The following RAB3B variants were observed in gnomAD, a reference collection of about 807,000 sequenced individuals.
RAB3B encodes the protein RAB3B, member RAS oncogene family.
A neutral mutation model predicts 20.5 loss-of-function variants in RAB3B; 11 were observed. The observed-to-expected ratio is 0.54, with a 90% CI of 0.34 to 0.89. The LOEUF is 0.89. RAB3B is among the 40% of genes least tolerant of loss of function. The pLI is 0.02. For synonymous variants in RAB3B, 99 were observed against 106.3 expected, an observed-to-expected ratio of 0.93 and a Z score of 0.42; for missense variants, 225 against 280.9, an observed-to-expected ratio of 0.80 and a Z score of 1.42.
chr1:51,974,194 C>G (rs577327770), intron 2 of RAB3B, among the ~76,000 whole-genome samples: 1 of 152,190 alleles, frequency 6.6e-6, no homozygotes, highest in Non-Finnish European at 1.5e-5. Context: ...GCTCTCACAT[C>G]CCCCTGTGCA....
At chr1:51,949,784 C>T (rs1227588423) in intron 2 of RAB3B, among the ~76,000 whole-genome samples, 1 of 152,208 alleles carries the variant, frequency 6.6e-6, no homozygotes, top group Non-Finnish European at 1.5e-5. Context: ...CCGGGACTGG[C>T]TTGGCCCCAC....
At position 51,914,955 on chromosome 1, in the gene RAB3B, G is replaced by A. The variant is rs918425132; in HGVS notation, c.*4972C>T. The A allele has an allele frequency of 6.6e-6, 1 of 152,162 alleles. No homozygotes were observed. The allele number at this position is 152,162 out of a possible 1,614,324, so 9.4% of individuals were successfully genotyped here. ...GGTCTTATTCTGTGGATGTTATAAG[G>A]CTTCGGTCACCAAGCAATTGTGGCT... is the stretch of plus-strand genomic sequence containing the variant. On this transcript the variant is annotated 3_prime_UTR_variant, in exon 5 of 5. Transcript: ENST00000371655.
chr1:51,980,020 C>T lies in RAB3B; in HGVS notation c.1-2903G>A, dbSNP rs151272754. On this transcript the variant is annotated intron_variant, in intron 1 of 4. Transcript: ENST00000371655. ...CCAGGCCACTGCACTTCAGCCTACG[C>T]GACAGAGCGAGACTCCACCCCCCCA... Among the ~76,000 whole-genome samples, 1,201 of 151,982 alleles carry T rather than the reference C, an allele frequency of 7.9e-3. 17 individuals carry two copies. Among genetic ancestry groups the T allele is most frequent in the African/African-American group, 0.027 (1,113 of 41,444 alleles).
At chr1:51,960,425 C>T (rs1383292428) in intron 2 of RAB3B, among the ~76,000 whole-genome samples, 1 of 152,166 alleles carries the variant, frequency 6.6e-6, no homozygotes, top group Admixed American at 6.5e-5. Context: ...GCGTCATTAG[C>T]ACAGAGCTGA....
chr1:51,949,134 T>C (rs1684601359), intron 2 of RAB3B, among the ~76,000 whole-genome samples: 1 of 152,222 alleles, frequency 6.6e-6, no homozygotes, highest in African/African-American at 2.4e-5. Flanking sequence ...TTTCCTGTCA[T>C]TCCTTAACTG....
chr1:51,989,208 T>TTGTGTGTGTG (rs60661761), intron 1 of RAB3B, among the ~76,000 whole-genome samples: 1,580 of 99,832 alleles, frequency 0.016, 44 homozygotes, highest in African/African-American at 0.057. Flanking sequence ...CCATCTTGTT[T>TTGTGTGTGTG]TGTGTGTGTG....
chr1:51,979,340 G>A lies in RAB3B; in HGVS notation c.1-2223C>T, dbSNP rs114613213. On this transcript the variant is annotated intron_variant, in intron 1 of 4. Coordinates refer to ENST00000371655, the MANE Select transcript of RAB3B (RefSeq NM_002867.4). ...GGCTGGAGTGCAGTGGTGCAGCCTT[G>A]GCTCACTGCAACCTCTGCCCCCTGA... Among the ~76,000 whole-genome samples the A allele has an allele frequency of 4.9e-3, 735 of 149,096 alleles. 13 individuals carry two copies. In the South Asian group the frequency reaches 0.059, roughly 12 times the overall value.
At chr1:51,935,587 C>A (rs1272530582) in intron 3 of RAB3B, among the ~76,000 whole-genome samples, 3 of 152,070 alleles carry the variant, frequency 2.0e-5, no homozygotes, top group African/African-American at 4.8e-5. Flanking sequence ...TCAGGTTATT[C>A]TTGGAGGAAT....
chr1:51,952,706 G>GA (rs1182645187), intron 2 of RAB3B, among the ~76,000 whole-genome samples: 1 of 151,914 alleles, frequency 6.6e-6, no homozygotes, highest in Non-Finnish European at 1.5e-5. Flanking sequence ...AATAAATGAA[G>GA]AAAAAAGATA....
intron 1 of RAB3B, among the ~76,000 whole-genome samples, chr1:51,987,232 C>T (rs1264788693): frequency 6.6e-6 from 1 of 152,084 alleles, no homozygotes; most frequent in Non-Finnish European, 1.5e-5. Context: ...GAGATCAGCT[C>T]AATAAATGGA....
At position 51,910,267 on chromosome 1, in the gene RAB3B, A is replaced by G. The variant is rs1026132213; in HGVS notation, c.*9660T>C. 2.6e-5 allele frequency: 4 copies of G among 152,214 alleles called. No homozygotes were observed. The highest frequency in any genetic ancestry group is 7.2e-5 in the African/African-American group (3 of 41,466). The allele number at this position is 152,214 out of a possible 1,614,324, so 9.4% of individuals were successfully genotyped here. ...GTTTCCAGGCTTTTAGCTGCATGGC[A>G]GAGTTTGTCCTGAGAAAGATCTTGC... On this transcript the variant is annotated 3_prime_UTR_variant, in exon 5 of 5. Coordinates refer to ENST00000371655, the MANE Select transcript of RAB3B (RefSeq NM_002867.4).
At chr1:51,980,959 A>G in intron 1 of RAB3B, 2 of 318,546 alleles carry the variant, frequency 6.3e-6, no homozygotes, top group Non-Finnish European at 1.1e-5. Flanking sequence ...CTTACGGAAA[A>G]TAATTCAAGC....
At chr1:51,933,518 C>T in intron 3 of RAB3B, 76 bp from the exon 4 acceptor site, 1 of 1,394,956 alleles carries the variant, frequency 7.2e-7, no homozygotes, top group Non-Finnish European at 9.9e-7. Flanking sequence ...TCCAAATTTA[C>T]ATGTTGAAGC....
chr1:51,986,124 T>C (rs191009972), intron 1 of RAB3B, among the ~76,000 whole-genome samples: 2 of 149,854 alleles, frequency 1.3e-5, no homozygotes, highest in Admixed American at 6.7e-5. Context: ...CTGGGAAACA[T>C]AGTGAGATTC....
intron 2 of RAB3B, among the ~76,000 whole-genome samples, chr1:51,969,750 TTTA>T (rs1684903429): frequency 6.6e-6 from 1 of 152,174 alleles, no homozygotes; most frequent in African/African-American, 2.4e-5. Context: ...TTGTTGAGTG[TTTA>T]CTCTGTGCCA....
At chr1:51,954,318 A>G (rs1684678690) in intron 2 of RAB3B, among the ~76,000 whole-genome samples, 1 of 152,250 alleles carries the variant, frequency 6.6e-6, no homozygotes, top group South Asian at 2.1e-4. Flanking sequence ...GTTTAATAAA[A>G]TTGAATATAT....
intron 1 of RAB3B, chr1:51,980,797 C>T (rs941654012): frequency 1.3e-5 from 10 of 747,990 alleles, no homozygotes; most frequent in African/African-American, 6.8e-5. Flanking sequence ...TGCTGCCCCA[C>T]GACCCCCACC....
Position 51,912,592 on chromosome 1 carries a change from T to C in RAB3B, c.*7335A>G, listed in dbSNP as rs1272367467. The stretch of plus-strand genomic sequence containing the variant: ...ATATATATATATATATATATATATA[T>C]ATATATATAAAAAATGTTACTCCTG... On this transcript the variant is annotated 3_prime_UTR_variant, in exon 5 of 5. Transcript: ENST00000371655. 2.6e-4 allele frequency: 11 copies of C among 41,772 alleles called. 2 individuals are homozygous for C. The highest frequency in any genetic ancestry group is 9.1e-4 in the African/African-American group (11 of 12,124). 2.6% of individuals were successfully genotyped at this position (41,772 alleles called of 1,614,324 possible). A position where few individuals can be genotyped will look rare whatever the true frequency, so the allele number is the denominator to read the frequency against.
chr1:51,977,235 G>T, intron 1 of RAB3B, 118 bp from the exon 2 acceptor site: 2 of 727,356 alleles, frequency 2.7e-6, no homozygotes, highest in South Asian at 1.7e-5. Context: ...CACCACTGAG[G>T]AAATGCACAC....
Sources: gnomAD v4.1 joint callset for allele counts (sites outside exome capture counted in the v4.1 genomes callset) on GRCh38, gnomAD v4.1.1 for gene constraint, MANE v1.5 for transcripts, NCBI Gene and HGNC (gene_info 2026-07-23, HGNC 2026-07-21) for gene names.